The following PLCL1 variants were observed in gnomAD, a reference collection of about 807,000 sequenced individuals.
The protein encoded by PLCL1 is phospholipase C like 1 (inactive), also known as inactive phospholipase C-like protein 1.
In PLCL1, 41 loss-of-function variants were observed where a neutral mutation model predicts 84.4. The observed-to-expected ratio is 0.49, with a 90% CI of 0.38 to 0.63. PLCL1 has a LOEUF of 0.63. Ranked by LOEUF, PLCL1 falls within the 30% of genes least tolerant of loss-of-function variation. PLCL1 has a pLI of 0.00. For synonymous variants in PLCL1, 490 were observed against 488.3 expected, an observed-to-expected ratio of 1.00 and a Z score of -0.05; for missense variants, 1,206 against 1,367.8, an observed-to-expected ratio of 0.88 and a Z score of 1.87.
chr2:198,012,452 G>A (rs1463107602), intron 1 of PLCL1, among the ~76,000 whole-genome samples: 2 of 152,088 alleles, frequency 1.3e-5, no homozygotes, highest in Non-Finnish European at 1.5e-5. Flanking sequence ...ACTGTCTCTA[G>A]TGCTAAATTG....
At chr2:197,956,109 T>C (rs906895890) in intron 1 of PLCL1, among the ~76,000 whole-genome samples, 1 of 152,146 alleles carries the variant, frequency 6.6e-6, no homozygotes, top group Non-Finnish European at 1.5e-5. Context: ...CTGAGAATGA[T>C]AGCTTACAGC....
chr2:198,085,510 C>G lies in PLCL1; in HGVS notation c.1993C>G (p.Gln665Glu). ...ACAGGACTTTTGGAATTGTGGCTGT[C>G]AGATTGTAGCAATGAATTTTCAGAC... is the stretch of plus-strand genomic sequence containing the variant. Reference protein sequence around the residue: ...NPQDFWNCGCQIVAMNFQTPG... With the variant: ...NPQDFWNCGCEIVAMNFQTPG... The change falls in exon 2 of 6, where the codon CAG (glutamine) becomes GAG (glutamate). Residue 665 changes from glutamine to glutamate, a missense_variant. By Grantham distance (29) the Gln-to-Glu change is conservative (BLOSUM62 2). Transcript: ENST00000428675. The surrounding 1 kb of genome is among the most constrained non-coding windows in gnomAD (Gnocchi z 5.3). 6.2e-7 allele frequency: 1 copy of G among 1,613,854 alleles called. No individual in the cohort carries two copies. The highest frequency in any genetic ancestry group is 8.5e-7 in the Non-Finnish European group (1 of 1,179,814).
chr2:198,050,838 T>C (rs1395869790), intron 1 of PLCL1, among the ~76,000 whole-genome samples: 1 of 152,214 alleles, frequency 6.6e-6, no homozygotes, highest in African/African-American at 2.4e-5. Flanking sequence ...CAAAAGAACA[T>C]CTGGCAACTA....
At chr2:197,870,020 G>GTAAT (rs1046838372) in intron 1 of PLCL1, among the ~76,000 whole-genome samples, 1 of 152,084 alleles carries the variant, frequency 6.6e-6, no homozygotes, top group African/African-American at 2.4e-5. Flanking sequence ...AACAGGAAGG[G>GTAAT]TAATAAAGAT....
intron 1 of PLCL1, among the ~76,000 whole-genome samples, chr2:197,840,226 A>G (rs780476655): frequency 2.6e-5 from 4 of 152,218 alleles, no homozygotes; most frequent in Non-Finnish European, 5.9e-5. Flanking sequence ...GAGATGAATT[A>G]AAAAGAGTTT....
At chr2:198,009,848 A>G (rs1276867866) in intron 1 of PLCL1, among the ~76,000 whole-genome samples, 2 of 151,750 alleles carry the variant, frequency 1.3e-5, no homozygotes, top group Admixed American at 6.6e-5. Context: ...ATCTTCTTTG[A>G]TTTCTTTTTG....
chr2:198,066,773 C>A (rs551100381), intron 1 of PLCL1, among the ~76,000 whole-genome samples: 1 of 152,048 alleles, frequency 6.6e-6, no homozygotes, highest in African/African-American at 2.4e-5. Context: ...AGGATCTTCC[C>A]GTGCTGTTTC....
chr2:197,913,912 C>A (rs576282424), intron 1 of PLCL1, among the ~76,000 whole-genome samples: 1 of 152,062 alleles, frequency 6.6e-6, no homozygotes, highest in Admixed American at 6.5e-5. Flanking sequence ...ACAATTCACC[C>A]ATCTCGAATA....
At chr2:197,923,278 G>A (rs375274057) in intron 1 of PLCL1, among the ~76,000 whole-genome samples, 29 of 144,504 alleles carry the variant, frequency 2.0e-4, no homozygotes, top group African/African-American at 5.9e-4. Flanking sequence ...CCTCCCTCCC[G>A]GACGGGGTGG....
intron 1 of PLCL1, among the ~76,000 whole-genome samples, chr2:198,046,097 A>G (rs890185618): frequency 2.6e-5 from 4 of 152,218 alleles, no homozygotes; most frequent in Admixed American, 2.0e-4. Flanking sequence ...CCAGTTTGCC[A>G]TCTGTTTTTG....
At chr2:197,975,341 C>T (rs549590485) in intron 1 of PLCL1, among the ~76,000 whole-genome samples, 1 of 151,990 alleles carries the variant, frequency 6.6e-6, no homozygotes, top group Non-Finnish European at 1.5e-5. Flanking sequence ...TAGTAAATTA[C>T]AAAATCAGGC....
intron 1 of PLCL1, among the ~76,000 whole-genome samples, chr2:197,963,301 C>T (rs1311530619): frequency 6.6e-6 from 1 of 152,092 alleles, no homozygotes; most frequent in Non-Finnish European, 1.5e-5. Context: ...GATGATATCT[C>T]ATTGTAGTTT....
chr2:197,932,706 A>G (rs917442447), intron 1 of PLCL1, among the ~76,000 whole-genome samples: 3 of 152,214 alleles, frequency 2.0e-5, no homozygotes, highest in Admixed American at 2.0e-4. Flanking sequence ...TCAATTTCTT[A>G]GTCACCTACT....
At position 197,992,553 on chromosome 2, in the gene PLCL1, C is replaced by A. The variant is rs1280242450; in HGVS notation, c.241-91205C>A. On this transcript the variant is annotated intron_variant, in intron 1 of 5. Coordinates refer to ENST00000428675, the MANE Select transcript of PLCL1 (RefSeq NM_006226.4). ...TGTCGAAATTACATGCATGAGCCAC[C>A]ATGCCTGGCAATTTCAAGTATTTTA... 2.0e-5 allele frequency among the ~76,000 whole-genome samples: 3 copies of A among 152,304 alleles called. No individual in the cohort carries two copies. In the East Asian group the frequency reaches 5.8e-4, roughly 29 times the overall value.
intron 1 of PLCL1, among the ~76,000 whole-genome samples, chr2:197,837,427 C>T (rs921395796): frequency 6.6e-6 from 1 of 152,134 alleles, no homozygotes; most frequent in African/African-American, 2.4e-5. Flanking sequence ...TCTGCTTAGC[C>T]GTTTTCTTGA....
intron 1 of PLCL1, among the ~76,000 whole-genome samples, chr2:197,978,785 C>T (rs1008893774): frequency 6.6e-6 from 1 of 152,212 alleles, no homozygotes; most frequent in Non-Finnish European, 1.5e-5. Flanking sequence ...TGCACTCAGA[C>T]ACACACCCAC....
chr2:197,941,033 A>G (rs1375718246), intron 1 of PLCL1, among the ~76,000 whole-genome samples: 1 of 152,194 alleles, frequency 6.6e-6, no homozygotes, highest in African/African-American at 2.4e-5. Context: ...ACTAATAAGT[A>G]ATCATTATCT....
chr2:198,057,223 A>G (rs1430403990), intron 1 of PLCL1, among the ~76,000 whole-genome samples: 1 of 152,128 alleles, frequency 6.6e-6, no homozygotes. Context: ...AACAGTATTA[A>G]GAACTTATTT....
At chr2:198,094,058 T>C (rs965350383) in intron 3 of PLCL1, among the ~76,000 whole-genome samples, 6 of 152,232 alleles carry the variant, frequency 3.9e-5, no homozygotes, top group Non-Finnish European at 7.4e-5. Flanking sequence ...GTCATTTTTT[T>C]TCTCTCTCTC....
Sources: gnomAD v4.1 joint callset for allele counts (sites outside exome capture counted in the v4.1 genomes callset) on GRCh38, gnomAD v4.1.1 for gene constraint, Gnocchi (gnomAD v3.1) non-coding constraint, MANE v1.5 for transcripts, NCBI Gene and HGNC (gene_info 2026-07-23, HGNC 2026-07-21) for gene names.